Variants in SLC6A15 observed in about 807,000 individuals in gnomAD.
The protein encoded by SLC6A15 is solute carrier family 6 member 15.
SLC6A15 carries 33 observed loss-of-function variants against 68.5 expected under a neutral mutation model. The ratio of observed to expected loss-of-function variants is 0.48; its 90% CI spans 0.37 to 0.64. The LOEUF is 0.64. Ranked by LOEUF, SLC6A15 falls within the 30% of genes least tolerant of loss-of-function variation. SLC6A15 has a pLI of 0.00. For missense variants in SLC6A15, 747 were observed against 874.3 expected, an observed-to-expected ratio of 0.85 and a Z score of 1.84; for synonymous variants, 347 against 301.0, an observed-to-expected ratio of 1.15 and a Z score of -1.58.
chr12:84,885,779 G>T, intron 3 of SLC6A15, 132 bp downstream of exon 3: 2 of 1,010,232 alleles, frequency 2.0e-6, no homozygotes, highest in Non-Finnish European at 2.9e-6. Context: ...TAATCCATAT[G>T]CCAGTAACGT....
intron 2 of SLC6A15, 49 bp from the exon 3 acceptor site, chr12:84,886,117 A>C (rs1175923743): frequency 1.6e-6 from 2 of 1,285,432 alleles, no homozygotes. Flanking sequence ...TACAGTAGAA[A>C]ATACACTAGT....
chr12:84,903,426 A>T (rs904261085), intron 1 of SLC6A15, among the ~76,000 whole-genome samples: 1 of 152,284 alleles, frequency 6.6e-6, no homozygotes, highest in South Asian at 2.1e-4. Flanking sequence ...GCCCTAAAAA[A>T]CATTGAGAAT....
rs546831609 is a variant in SLC6A15 at position 84,905,889 on chromosome 12, T to A, written c.-189+6634A>T. 8.5e-5 allele frequency among the ~76,000 whole-genome samples: 13 copies of A among 152,344 alleles called. 1 individual carries two copies. In the South Asian group the frequency reaches 1.9e-3, roughly 22 times the overall value. On this transcript the variant is annotated intron_variant, in intron 1 of 11. Transcript: ENST00000266682. ...AAGGATTCCCTGTGTTGGCCTTTTT[T>A]AACTACAACCACTGTGCTCCAGTCC... is the stretch of plus-strand genomic sequence containing the variant.
intron 6 of SLC6A15, among the ~76,000 whole-genome samples, chr12:84,874,266 G>C (rs11609714): frequency 1.4e-4 from 22 of 152,240 alleles, no homozygotes; most frequent in Non-Finnish European, 2.5e-4. Flanking sequence ...TGTCCTCTCT[G>C]AGTTTCAGCT....
At position 84,896,390 on chromosome 12, in the gene SLC6A15, G is replaced by C. The variant is rs1264227792; in HGVS notation, c.-188-4082C>G. Among the ~76,000 whole-genome samples, 4 of 151,858 alleles carry C rather than the reference G, an allele frequency of 2.6e-5. No individual in the cohort carries two copies. In the South Asian group the frequency reaches 8.3e-4, roughly 32 times the overall value. Reference sequence around the variant, plus strand: ...ATTTTGTAAAAAAAAAAAAGATTGTGTTGGCACGTATCCATGCCCGTAGAT... The same window carrying C: ...ATTTTGTAAAAAAAAAAAAGATTGTCTTGGCACGTATCCATGCCCGTAGAT... On this transcript the variant is annotated intron_variant, in intron 1 of 11. Coordinates refer to ENST00000266682, the MANE Select transcript of SLC6A15 (RefSeq NM_182767.6).
intron 11 of SLC6A15, 126 bp downstream of exon 11, chr12:84,863,313 C>T: frequency 1.6e-6 from 1 of 643,228 alleles, no homozygotes; most frequent in East Asian, 3.0e-5. Context: ...AATCTCATAT[C>T]CTTGCATAAA....
At chr12:84,876,698 T>C in intron 5 of SLC6A15, 91 bp from the exon 6 acceptor site, 1 of 563,016 alleles carries the variant, frequency 1.8e-6, no homozygotes, top group East Asian at 3.2e-5. Context: ...ACTTTGACAG[T>C]CACTGTTTCA....
At chr12:84,863,712 A>AT in intron 10 of SLC6A15, 111 bp from the exon 11 acceptor site, 1 of 684,632 alleles carries the variant, frequency 1.5e-6, no homozygotes, top group Non-Finnish European at 2.2e-6. Flanking sequence ...ACCCTATGAC[A>AT]TTTTATACTG....
intron 5 of SLC6A15, among the ~76,000 whole-genome samples, chr12:84,878,835 C>T (rs1871683798): frequency 6.8e-6 from 1 of 147,348 alleles, no homozygotes; most frequent in East Asian, 1.9e-4. Context: ...AATCTCACAT[C>T]TGTCCCTTTG....
chr12:84,906,799 C>G (rs1873179161), intron 1 of SLC6A15, among the ~76,000 whole-genome samples: 1 of 152,000 alleles, frequency 6.6e-6, no homozygotes, highest in Non-Finnish European at 1.5e-5. Context: ...GAATTACAAA[C>G]TTAAGTGGAA....
intron 1 of SLC6A15, among the ~76,000 whole-genome samples, chr12:84,905,092 C>T (rs1873075837): frequency 6.6e-6 from 1 of 151,948 alleles, no homozygotes; most frequent in Non-Finnish European, 1.5e-5. Context: ...GTACCAAAAC[C>T]AGGCAAAGAT....
chr12:84,882,054 GAAC>G (rs1161480230), intron 5 of SLC6A15: 3 of 985,030 alleles, frequency 3.0e-6, no homozygotes, highest in Non-Finnish European at 3.6e-6. Flanking sequence ...GACATGAGAA[GAAC>G]AACCCCAAGA....
chr12:84,872,135 C>T (rs1382454791), intron 8 of SLC6A15, among the ~76,000 whole-genome samples: 4 of 145,868 alleles, frequency 2.7e-5, no homozygotes, highest in African/African-American at 5.2e-5. Context: ...CCGGCCTGGG[C>T]GACAGAGAGA....
intron 5 of SLC6A15, chr12:84,882,067 AT>A: frequency 4.1e-6 from 4 of 985,392 alleles, no homozygotes; most frequent in Non-Finnish European, 4.8e-6. Context: ...CAACCCCAAG[AT>A]TCTGTGATAA....
intron 4 of SLC6A15, among the ~76,000 whole-genome samples, chr12:84,885,213 T>C (rs1182508316): frequency 6.6e-6 from 1 of 152,108 alleles, no homozygotes. Context: ...CCTAATATCT[T>C]AGGGCATAGT....
chr12:84,870,648 G>A lies in SLC6A15; in HGVS notation c.1325C>T (p.Ala442Val). ...LNKAVQGTGL[A>V]FIAFTEAMTH... is the part of the protein sequence containing the mutation. The stretch of plus-strand genomic sequence containing the variant: ...CATCGCTTCTGTAAAGGCAATAAAA[G>A]CTAAGCCGGTCCCCTGAACAGCCTG... Residue 442 changes from alanine to valine, a missense_variant, in exon 9 of 12, where the codon GCT (alanine) becomes GTT (valine). Ala to Val is a moderately conservative substitution (Grantham distance 64). Coordinates refer to ENST00000266682, the MANE Select transcript of SLC6A15 (RefSeq NM_182767.6). The A allele has an allele frequency of 1.9e-6, 3 of 1,611,192 alleles. No homozygotes were observed. The highest frequency in any genetic ancestry group is 2.5e-6 in the Non-Finnish European group (3 of 1,178,572).
Position 84,863,501 on chromosome 12 carries a change from T to C in SLC6A15, c.1756A>G (p.Ile586Val). The change falls in exon 11 of 12, where the codon ATA (isoleucine) becomes GTA (valine). Residue 586 changes from isoleucine to valine, a missense_variant. Transcript: ENST00000266682. Reference sequence around the variant, plus strand: ...AATCCCATATTCACAACACTAGCTATTAGCAATGATAATAGCATTAGAGGA... The same window carrying C: ...AATCCCATATTCACAACACTAGCTACTAGCAATGATAATAGCATTAGAGGA... Reference protein sequence around the residue: ...ISPLMLLSLLIASVVNMGLSP... With the variant: ...ISPLMLLSLLVASVVNMGLSP... 1 of 1,596,630 alleles carries C rather than the reference T, an allele frequency of 6.3e-7. No homozygotes were observed. Among genetic ancestry groups the C allele is most frequent in the Non-Finnish European group, 8.5e-7 (1 of 1,173,250 alleles).
intron 10 of SLC6A15, among the ~76,000 whole-genome samples, chr12:84,864,231 TTC>T (rs2120535601): frequency 6.6e-6 from 1 of 151,616 alleles, no homozygotes; most frequent in East Asian, 1.9e-4. Context: ...TTCTGAACTC[TTC>T]TTTTTACATT....
intron 1 of SLC6A15, among the ~76,000 whole-genome samples, chr12:84,904,577 T>C (rs909367018): frequency 1.3e-5 from 2 of 152,206 alleles, no homozygotes; most frequent in African/African-American, 4.8e-5. Flanking sequence ...TGTGGCTAGA[T>C]CTATGTAGAG....
Sources: gnomAD v4.1 joint callset for allele counts (sites outside exome capture counted in the v4.1 genomes callset) on GRCh38, gnomAD v4.1.1 for gene constraint, MANE v1.5 for transcripts, NCBI Gene and HGNC (gene_info 2026-07-23, HGNC 2026-07-21) for gene names.